MARCHF1: variants seen among roughly 807,000 people sequenced by gnomAD.
MARCHF1 encodes membrane associated ring-CH-type finger 1, also known as E3 ubiquitin-protein ligase MARCHF1.
In MARCHF1, 40 loss-of-function variants were observed where a neutral mutation model predicts 54.2. The observed-to-expected ratio is 0.74, with a 90% CI of 0.57 to 0.96. The LOEUF (loss-of-function observed/expected upper bound fraction) is 0.96, where lower values mean the gene tolerates loss of function less well. Ranked by LOEUF, MARCHF1 falls within the 40% of genes least tolerant of loss-of-function variation. MARCHF1 has a pLI of 0.00. For synonymous variants in MARCHF1, 236 were observed against 236.3 expected (o/e 1.00, Z 0.01); for missense variants, 586 against 656.5 (o/e 0.89, Z 1.17).
At chr4:163,580,497 T>A (rs952424116) in intron 8 of MARCHF1, among the ~76,000 whole-genome samples, 6 of 152,212 alleles carry the variant, frequency 3.9e-5, no homozygotes, top group Non-Finnish European at 8.8e-5. Flanking sequence ...TGACAGCTGA[T>A]GCTCTGAGAA....
At chr4:164,100,360 T>C (rs1176020854) in intron 2 of MARCHF1, among the ~76,000 whole-genome samples, 1 of 152,222 alleles carries the variant, frequency 6.6e-6, no homozygotes, top group Non-Finnish European at 1.5e-5. Context: ...CCAACACCTG[T>C]CCAAATCTTC....
intron 5 of MARCHF1, among the ~76,000 whole-genome samples, chr4:163,624,333 C>G (rs1279971271): frequency 1.3e-5 from 2 of 152,180 alleles, no homozygotes; most frequent in Non-Finnish European, 2.9e-5. Context: ...TGCGCCAACA[C>G]CCATTCCTTC....
At chr4:164,141,536 C>A (rs1362410655) in intron 1 of MARCHF1, among the ~76,000 whole-genome samples, 1 of 152,170 alleles carries the variant, frequency 6.6e-6, no homozygotes, top group South Asian at 2.1e-4. Flanking sequence ...TTTTTATAAC[C>A]TGCACCTTAC....
chr4:163,660,880 A>G (rs1282587486), intron 5 of MARCHF1, among the ~76,000 whole-genome samples: 2 of 151,950 alleles, frequency 1.3e-5, no homozygotes, highest in Non-Finnish European at 2.9e-5. Flanking sequence ...ATTCTTTCTC[A>G]TCTATTATGT....
At chr4:164,060,840 G>A (rs1754600452) in intron 2 of MARCHF1, among the ~76,000 whole-genome samples, 1 of 152,120 alleles carries the variant, frequency 6.6e-6, no homozygotes, top group Non-Finnish European at 1.5e-5. Flanking sequence ...TCTGTACCAT[G>A]TATTATTATT....
At chr4:163,731,811 G>A (rs542774436) in intron 4 of MARCHF1, among the ~76,000 whole-genome samples, 4 of 152,224 alleles carry the variant, frequency 2.6e-5, no homozygotes, top group Admixed American at 6.5e-5. Flanking sequence ...TAATTCGCAA[G>A]GAATCAGCTA....
chr4:163,817,066 C>T (rs1259574847), intron 4 of MARCHF1, among the ~76,000 whole-genome samples: 2 of 152,182 alleles, frequency 1.3e-5, no homozygotes, highest in East Asian at 3.9e-4. Flanking sequence ...CTGGCTTTGT[C>T]AGTTATTTTC....
rs180830504 is a variant in MARCHF1, at chr4:163,927,069, G to A, written c.-39+61432C>T. Among the ~76,000 whole-genome samples the A allele has an allele frequency of 4.0e-3, 604 of 151,720 alleles. 2 individuals carry two copies. The highest frequency in any genetic ancestry group is 6.6e-3 in the Non-Finnish European group (444 of 67,680). On this transcript the variant is annotated intron_variant, in intron 3 of 9. Coordinates refer to ENST00000514618, the MANE Select transcript of MARCHF1 (RefSeq NM_001394959.1). ...AATTTAGATAAAAAATTTGATTTGG[G>A]AAAAATATTTCAAATCTCACAATTT...
rs140719873 is a variant in MARCHF1 at position 164,188,772 on chromosome 4, T to C, written c.-322-77110A>G. Reference sequence around the variant, plus strand: ...ACTAAACCATACGTTCAAGTTGATATTGGAGGTGGGCAAACAAAGACATTT... The same window carrying C: ...ACTAAACCATACGTTCAAGTTGATACTGGAGGTGGGCAAACAAAGACATTT... On this transcript the variant is annotated intron_variant, in intron 1 of 9. Transcript: ENST00000514618. 6.7e-4 allele frequency: 619 copies of C among 927,918 alleles called. 5 individuals carry two copies. In the African/African-American group the frequency reaches 9.0e-3, roughly 14 times the overall value. 57.5% of individuals were successfully genotyped at this position (927,918 alleles called of 1,614,324 possible). A position where few individuals can be genotyped will look rare whatever the true frequency, so the allele number is the denominator to read the frequency against.
chr4:163,842,017 A>G (rs1021828982), intron 4 of MARCHF1, among the ~76,000 whole-genome samples: 6 of 152,140 alleles, frequency 3.9e-5, no homozygotes, highest in Admixed American at 2.6e-4. Flanking sequence ...CGGGCCATCA[A>G]CTAAGAGGTG....
intron 1 of MARCHF1, among the ~76,000 whole-genome samples, chr4:164,175,767 C>A (rs59085539): frequency 0.14 from 20,570 of 152,174 alleles, 1,819 homozygotes; most frequent in African/African-American, 0.22. Context: ...CAGCCCACCA[C>A]GCTGCCCTGC....
At chr4:163,728,837 G>A (rs995898685) in intron 4 of MARCHF1, among the ~76,000 whole-genome samples, 2 of 152,120 alleles carry the variant, frequency 1.3e-5, no homozygotes, top group African/African-American at 4.8e-5. Context: ...GTATAATGCT[G>A]AAAAGCAATG....
intron 3 of MARCHF1, among the ~76,000 whole-genome samples, chr4:163,981,561 G>A (rs890019449): frequency 1.3e-5 from 2 of 152,150 alleles, no homozygotes; most frequent in Non-Finnish European, 2.9e-5. Context: ...GGTTATGAAG[G>A]CTGCTGCAAG....
intron 3 of MARCHF1, among the ~76,000 whole-genome samples, chr4:163,935,781 A>T (rs1025342870): frequency 6.8e-6 from 1 of 146,724 alleles, no homozygotes; most frequent in Non-Finnish European, 1.5e-5. Flanking sequence ...TTACATATGT[A>T]TACATGTGCC....
At chr4:164,178,583 T>C (rs1730750868) in intron 1 of MARCHF1, among the ~76,000 whole-genome samples, 1 of 152,164 alleles carries the variant, frequency 6.6e-6, no homozygotes, top group Non-Finnish European at 1.5e-5. Flanking sequence ...TTCCATCAGA[T>C]CTAAGGAGCT....
At chr4:163,929,958 T>TTATATATATTAG (rs1751626584) in intron 3 of MARCHF1, among the ~76,000 whole-genome samples, 1 of 62,794 alleles carries the variant, frequency 1.6e-5, no homozygotes, top group African/African-American at 4.6e-5. Flanking sequence ...ATATATATTA[T>TTATATATATTAG]ATATAATATA....
At chr4:163,823,059 A>G (rs1018361651) in intron 4 of MARCHF1, among the ~76,000 whole-genome samples, 24 of 151,828 alleles carry the variant, frequency 1.6e-4, no homozygotes, top group African/African-American at 5.8e-4. Context: ...TACCACCCAT[A>G]TCAACATCAC....
chr4:163,711,864 C>A (rs949421851), intron 4 of MARCHF1, among the ~76,000 whole-genome samples: 2 of 152,126 alleles, frequency 1.3e-5, no homozygotes, highest in Non-Finnish European at 2.9e-5. Context: ...GAAATGCTAT[C>A]TGTTTCTTTC....
chr4:163,935,707 T>C (rs956254990), intron 3 of MARCHF1, among the ~76,000 whole-genome samples: 2,103 of 115,622 alleles, frequency 0.018, 23 homozygotes, highest in South Asian at 0.028. Flanking sequence ...GCTTTCTTTT[T>C]TTTTTTTTTT....
Sources: gnomAD v4.1 joint callset for allele counts (sites outside exome capture counted in the v4.1 genomes callset) on GRCh38, gnomAD v4.1.1 for gene constraint, MANE v1.5 for transcripts, NCBI Gene and HGNC (gene_info 2026-07-23, HGNC 2026-07-21) for gene names.